The following ZC3H12B variants were observed in gnomAD, a reference collection of about 807,000 sequenced individuals.
ZC3H12B encodes the protein probable ribonuclease ZC3H12B.
A neutral mutation model predicts 43.9 loss-of-function variants in ZC3H12B; 7 were observed. The observed-to-expected ratio is 0.16, with a 90% CI of 0.09 to 0.30. ZC3H12B has a LOEUF of 0.30. Ranked by LOEUF, ZC3H12B falls within the 10% of genes least tolerant of loss-of-function variation. ZC3H12B has a pLI of 1.00. For missense variants in ZC3H12B, 475 were observed against 670.2 expected (o/e 0.71, Z 3.22); for synonymous variants, 222 against 241.7 (o/e 0.92, Z 0.76).
chrX:65,477,982 A>G (rs1433283520), intron 3 of ZC3H12B, among the ~76,000 whole-genome samples: 1 of 110,159 alleles, frequency 9.1e-6, no homozygotes, highest in Non-Finnish European at 1.9e-5. Context: ...TTCTTTCTAT[A>G]GCCAGCTAAA....
At chrX:65,263,211 T>TA in the ZC3H12B span, among the ~76,000 whole-genome samples, 16 of 111,407 alleles carry the variant, frequency 1.4e-4, 1 homozygote, top group African/African-American at 4.9e-4. Context: ...CTATTATCAA[T>TA]AAAAAAATTT....
At chrX:65,314,816 T>G in the ZC3H12B span, among the ~76,000 whole-genome samples, 1 of 110,551 alleles carries the variant, frequency 9.0e-6, no homozygotes, top group Admixed American at 9.7e-5. Context: ...TTTGGGAAAA[T>G]TTTTGTGTAT....
At chrX:65,234,525 G>A in the ZC3H12B span, among the ~76,000 whole-genome samples, 1 of 112,005 alleles carries the variant, frequency 8.9e-6, no homozygotes, top group East Asian at 2.8e-4. Flanking sequence ...TTAGGCAAGA[G>A]AAATAAACAC....
the ZC3H12B span, among the ~76,000 whole-genome samples, chrX:65,164,169 GT>G: frequency 9.0e-6 from 1 of 111,449 alleles, no homozygotes; most frequent in Non-Finnish European, 1.9e-5. Context: ...GGAGGCTAGG[GT>G]TTTTCAAGGA....
At chrX:65,338,756 C>A in the ZC3H12B span, among the ~76,000 whole-genome samples, 1 of 112,129 alleles carries the variant, frequency 8.9e-6, no homozygotes, top group Admixed American at 9.4e-5. Context: ...GAACTAATAA[C>A]AAAAACCATA....
chrX:65,176,799 C>G, the ZC3H12B span, among the ~76,000 whole-genome samples: 1 of 111,181 alleles, frequency 9.0e-6, no homozygotes, highest in East Asian at 2.8e-4. Context: ...AGCCTACCAA[C>G]CAAAAAAAGC....
the ZC3H12B span, among the ~76,000 whole-genome samples, chrX:65,175,223 G>A: frequency 4.5e-5 from 5 of 111,900 alleles, no homozygotes. Flanking sequence ...TGCCTAACCA[G>A]TCCCAGTGAG....
At chrX:65,181,378 T>A in the ZC3H12B span, among the ~76,000 whole-genome samples, 1 of 110,778 alleles carries the variant, frequency 9.0e-6, no homozygotes, top group Non-Finnish European at 1.9e-5. Flanking sequence ...CAAAAGCAAT[T>A]GAAACAAAAG....
At chrX:65,092,159 G>C in the ZC3H12B span, among the ~76,000 whole-genome samples, 2 of 111,882 alleles carry the variant, frequency 1.8e-5, no homozygotes, top group East Asian at 5.6e-4. Flanking sequence ...TAAGTTTCTT[G>C]AGATTTCCTG....
the ZC3H12B span, among the ~76,000 whole-genome samples, chrX:65,201,945 G>A: frequency 6.8e-5 from 7 of 103,132 alleles, no homozygotes; most frequent in South Asian, 2.9e-3. Context: ...GCCCTGTGAA[G>A]AGGTGCCTTC....
the ZC3H12B span, among the ~76,000 whole-genome samples, chrX:65,180,623 GACAA>G: frequency 1.8e-4 from 20 of 111,176 alleles, no homozygotes; most frequent in South Asian, 7.5e-4. Flanking sequence ...ACCAATAATA[GACAA>G]ACAGAGAGCC....
At chrX:65,204,151 C>A in the ZC3H12B span, among the ~76,000 whole-genome samples, 1 of 109,651 alleles carries the variant, frequency 9.1e-6, no homozygotes, top group Non-Finnish European at 1.9e-5. Flanking sequence ...GTATTTTCTA[C>A]CCTCTTCAGT....
At chrX:65,158,590 G>C in the ZC3H12B span, among the ~76,000 whole-genome samples, 20 of 111,644 alleles carry the variant, frequency 1.8e-4, no homozygotes, top group South Asian at 3.7e-4. Flanking sequence ...GTGTCTGTTC[G>C]TGTCCTTCAC....
At position 65,452,566 on chromosome X, in the gene ZC3H12B, C is replaced by T. The variant is rs769677006; in HGVS notation, n.408-36080C>T. 8.0e-4 allele frequency among the ~76,000 whole-genome samples: 89 copies of T among 111,610 alleles called. 1 individual carries two copies. Among genetic ancestry groups the T allele is most frequent in the African/African-American group, 1.7e-3 (52 of 30,736 alleles). On this transcript the variant is annotated intron_variant and non_coding_transcript_variant, in intron 3 of 5. Coordinates refer to the ZC3H12B transcript ENST00000617377. ...CAAATGAAAACACATACTGGCTGGGCGTGGTGGCTCACGCCTGTAATCCCA... is the reference window on the plus strand; with the variant it reads ...CAAATGAAAACACATACTGGCTGGGTGTGGTGGCTCACGCCTGTAATCCCA...
the ZC3H12B span, among the ~76,000 whole-genome samples, chrX:65,160,610 C>T: frequency 9.0e-6 from 1 of 110,782 alleles, no homozygotes; most frequent in Admixed American, 9.6e-5. Flanking sequence ...TGGTGATATC[C>T]CCTTTATCAT....
the ZC3H12B span, among the ~76,000 whole-genome samples, chrX:65,110,061 G>A: frequency 8.4e-4 from 94 of 111,262 alleles, no homozygotes; most frequent in African/African-American, 3.0e-3. Context: ...GGCTAGTGAT[G>A]TTGATCATCT....
At chrX:65,119,337 C>T in the ZC3H12B span, among the ~76,000 whole-genome samples, 1 of 111,692 alleles carries the variant, frequency 9.0e-6, no homozygotes, top group African/African-American at 3.3e-5. Context: ...TTAATGATCA[C>T]CATTCTAACT....
chrX:65,159,618 A>T, the ZC3H12B span, among the ~76,000 whole-genome samples: 2 of 112,114 alleles, frequency 1.8e-5, no homozygotes, highest in East Asian at 5.6e-4. Context: ...ATTTTGTATC[A>T]TGAGACTTTG....
chrX:65,232,508 T>C, the ZC3H12B span, among the ~76,000 whole-genome samples: 72 of 112,083 alleles, frequency 6.4e-4, no homozygotes, highest in African/African-American at 2.3e-3. Flanking sequence ...CTTTTCATTG[T>C]GATCAAAGTT....
Sources: gnomAD v4.1 joint callset for allele counts (sites outside exome capture counted in the v4.1 genomes callset) on GRCh38, gnomAD v4.1.1 for gene constraint, MANE v1.5 for transcripts, NCBI Gene and HGNC (gene_info 2026-07-23, HGNC 2026-07-21) for gene names.